The following NEBL variants were observed in gnomAD, a reference collection of about 807,000 sequenced individuals.
NEBL encodes nebulette.
A neutral mutation model predicts 140.2 loss-of-function variants in NEBL; 122 were observed. That is an observed-to-expected ratio of 0.87 (90% confidence interval 0.75 to 1.01). The LOEUF is 1.01. Ranked by LOEUF, NEBL falls within the 50% of genes least tolerant of loss-of-function variation. NEBL has a pLI of 0.00. For missense variants in NEBL, 1,365 were observed against 1,231.3 expected (o/e 1.11, Z -1.62); for synonymous variants, 436 against 398.9 (o/e 1.09, Z -1.11).
chr10:21,195,983 T>C (rs916085256), intron 3 of NEBL, among the ~76,000 whole-genome samples: 7 of 152,314 alleles, frequency 4.6e-5, no homozygotes, highest in African/African-American at 1.7e-4. Context: ...CTGGCTTTTA[T>C]TTTATTTTAC....
At chr10:21,225,570 C>G (rs1327098248) in intron 3 of NEBL, among the ~76,000 whole-genome samples, 1 of 152,196 alleles carries the variant, frequency 6.6e-6, no homozygotes, top group Non-Finnish European at 1.5e-5. Context: ...CTCTGTGCTA[C>G]TGCAGCTGAG....
intron 4 of NEBL, among the ~76,000 whole-genome samples, chr10:20,904,208 T>C (rs1403960894): frequency 4.6e-5 from 7 of 152,338 alleles, no homozygotes; most frequent in South Asian, 2.1e-4. Context: ...GGAGCATTAC[T>C]GTAGCTGTGT....
At chr10:20,911,038 C>T (rs1373412489) in intron 4 of NEBL, among the ~76,000 whole-genome samples, 1 of 151,830 alleles carries the variant, frequency 6.6e-6, no homozygotes, top group Non-Finnish European at 1.5e-5. Flanking sequence ...GTGTTGTGAG[C>T]TTGTAGTTCC....
At position 20,858,147 on chromosome 10, in the gene NEBL, T is replaced by C. The variant is rs927878202; in HGVS notation, c.903+93A>G. ...CGAGGGAGGAGTGAGGCACAGGCCT[T>C]CTAAGGAAGCAGGTGAGCACATGAA... On this transcript the variant is annotated intron_variant, in intron 9 of 27. Coordinates refer to ENST00000377122, the MANE Select transcript of NEBL (RefSeq NM_006393.3). The C allele has an allele frequency of 7.2e-6, 7 of 973,402 alleles. No homozygotes were observed. In the African/African-American group the frequency reaches 1.1e-4, roughly 16 times the overall value. 60.3% of individuals were successfully genotyped at this position (973,402 alleles called of 1,614,324 possible). A position where few individuals can be genotyped will look rare whatever the true frequency, so the allele number is the denominator to read the frequency against.
At chr10:21,107,634 T>G (rs544754699) in intron 2 of NEBL, among the ~76,000 whole-genome samples, 2 of 152,334 alleles carry the variant, frequency 1.3e-5, no homozygotes, top group South Asian at 4.1e-4. Context: ...ATTCTCTTTT[T>G]TTGTTGTGTC....
intron 1 of NEBL, among the ~76,000 whole-genome samples, chr10:21,287,794 C>A (rs896365815): frequency 4.0e-5 from 6 of 151,678 alleles, no homozygotes; most frequent in East Asian, 1.9e-4. Flanking sequence ...TCAACAACAA[C>A]AAAAAAATTG....
intron 1 of NEBL, among the ~76,000 whole-genome samples, chr10:21,279,289 A>ATTTTT (rs33940640): frequency 2.3e-5 from 3 of 131,830 alleles, no homozygotes; most frequent in Non-Finnish European, 4.7e-5. Flanking sequence ...TATTTTTTCA[A>ATTTTT]TTTTTTTTTT....
chr10:20,786,774 C>G (rs1397825539), intron 27 of NEBL, among the ~76,000 whole-genome samples: 1 of 152,196 alleles, frequency 6.6e-6, no homozygotes, highest in Non-Finnish European at 1.5e-5. Context: ...AATATATGAA[C>G]CAGTTCTTCA....
intron 3 of NEBL, among the ~76,000 whole-genome samples, chr10:20,983,999 G>A (rs1291854272): frequency 6.6e-6 from 1 of 151,832 alleles, no homozygotes; most frequent in Non-Finnish European, 1.5e-5. Flanking sequence ...TTTTCAAAAG[G>A]TAAAAACATT....
chr10:20,841,504 G>A (rs1841407487), intron 12 of NEBL: 1 of 152,176 alleles, frequency 6.6e-6, no homozygotes, highest in South Asian at 2.1e-4. Flanking sequence ...ATATTTCAAG[G>A]CCCCCTTTAC....
At chr10:21,148,407 T>C (rs984521772) in intron 2 of NEBL, among the ~76,000 whole-genome samples, 12 of 152,218 alleles carry the variant, frequency 7.9e-5, no homozygotes, top group Non-Finnish European at 1.6e-4. Flanking sequence ...GCATCAGTGA[T>C]GAAGGTGAAA....
chr10:20,970,909 G>A (rs937493341), intron 3 of NEBL, among the ~76,000 whole-genome samples: 1 of 152,136 alleles, frequency 6.6e-6, no homozygotes, highest in African/African-American at 2.4e-5. Context: ...GTGAACACAA[G>A]TAAGACATAA....
chr10:20,984,568 A>G (rs1029448138), intron 3 of NEBL, among the ~76,000 whole-genome samples: 1 of 152,098 alleles, frequency 6.6e-6, no homozygotes, highest in Non-Finnish European at 1.5e-5. Flanking sequence ...ACATCGAAGA[A>G]TTGGAGCATT....
At chr10:20,818,932 A>G (rs1047622040) in intron 20 of NEBL, 23 of 969,384 alleles carry the variant, frequency 2.4e-5, no homozygotes, top group Non-Finnish European at 2.7e-5. Flanking sequence ...ATCTGGAGAT[A>G]TTCCGTTTAT....
At chr10:20,918,434 A>G (rs922598868) in intron 4 of NEBL, among the ~76,000 whole-genome samples, 12 of 152,224 alleles carry the variant, frequency 7.9e-5, no homozygotes, top group African/African-American at 2.2e-4. Flanking sequence ...AGAGCCAATC[A>G]TTACTCATCA....
chr10:20,877,727 G>A (rs982522946), intron 5 of NEBL, among the ~76,000 whole-genome samples: 12 of 152,124 alleles, frequency 7.9e-5, no homozygotes, highest in African/African-American at 2.9e-4. Context: ...AATTAGGGCG[G>A]AGCAAACAGC....
intron 3 of NEBL, among the ~76,000 whole-genome samples, chr10:21,234,204 G>A (rs1252148254): frequency 6.6e-6 from 1 of 152,012 alleles, no homozygotes; most frequent in East Asian, 1.9e-4. Flanking sequence ...CAGAGACGCT[G>A]GACCTGATGT....
At chr10:20,789,852 T>TA (rs1835769495) in intron 26 of NEBL, among the ~76,000 whole-genome samples, 2 of 150,038 alleles carry the variant, frequency 1.3e-5, no homozygotes, top group Non-Finnish European at 1.5e-5. Context: ...TATCTCAAAT[T>TA]TTATATATAT....
At chr10:21,111,894 A>G (rs1838028610) in intron 2 of NEBL, among the ~76,000 whole-genome samples, 1 of 151,796 alleles carries the variant, frequency 6.6e-6, no homozygotes, top group Non-Finnish European at 1.5e-5. Flanking sequence ...AATTTACCAG[A>G]AAAAAAACAA....
Sources: allele counts gnomAD v4.1 joint callset (sites outside exome capture counted in the v4.1 genomes callset), GRCh38; gene constraint gnomAD v4.1.1; transcripts MANE v1.5; gene names NCBI Gene and HGNC (gene_info 2026-07-23, HGNC 2026-07-21).